The following ADAMTS10 variants were observed in gnomAD, a reference collection of about 807,000 sequenced individuals.
ADAMTS10 encodes the protein ADAM metallopeptidase with thrombospondin type 1 motif 10, also known as A disintegrin and metalloproteinase with thrombospondin motifs 10.
Under a neutral mutation model 135.9 loss-of-function variants are expected in ADAMTS10, and 48 were observed. The observed-to-expected ratio is 0.35, with a 90% CI of 0.28 to 0.45. ADAMTS10 has a LOEUF of 0.45. Among genes scored for constraint, ADAMTS10 ranks in the 20% least tolerant of loss-of-function variants. The pLI, the probability that ADAMTS10 is intolerant of heterozygous loss-of-function variation, is 1.00. For missense variants in ADAMTS10, 1,131 were observed against 1,565.2 expected, an observed-to-expected ratio of 0.72 and a Z score of 4.68; for synonymous variants, 621 against 647.5, an observed-to-expected ratio of 0.96 and a Z score of 0.62.
intron 16 of ADAMTS10, 23 bp from the exon 17 acceptor site, chr19:8,589,608 AC>A: frequency 6.2e-7 from 1 of 1,612,902 alleles, no homozygotes; most frequent in African/African-American, 1.3e-5. Flanking sequence ...GCCCCGTCAC[AC>A]CACGGGCCAG....
chr19:8,600,554 A>G (rs1423224663), intron 6 of ADAMTS10, among the ~76,000 whole-genome samples: 2 of 138,518 alleles, frequency 1.4e-5, no homozygotes, highest in Non-Finnish European at 3.0e-5. Flanking sequence ...GCTGGAGTGC[A>G]GTGGCGTGAT....
intron 12 of ADAMTS10, 41 bp downstream of exon 12, chr19:8,595,721 C>T: frequency 6.3e-7 from 1 of 1,575,832 alleles, no homozygotes; most frequent in South Asian, 1.1e-5. Flanking sequence ...CCCAGCGGCC[C>T]CCTCCCCTCC....
intron 6 of ADAMTS10, among the ~76,000 whole-genome samples, chr19:8,600,683 A>G (rs1300832524): frequency 3.3e-5 from 5 of 151,884 alleles, no homozygotes; most frequent in African/African-American, 1.2e-4. Context: ...TATTTTTAGT[A>G]GAGATGGGGT....
Position 8,605,494 on chromosome 19 carries a change from G to A in ADAMTS10, c.88+129C>T, listed in dbSNP as rs1260996111. The A allele has an allele frequency of 4.1e-6, 6 of 1,471,946 alleles. No homozygotes were observed. Among genetic ancestry groups the A allele is most frequent in the South Asian group, 1.2e-5 (1 of 81,884 alleles). The allele number at this position is 1,471,946 out of a possible 1,614,324, so 91.2% of individuals were successfully genotyped here. On this transcript the variant is annotated intron_variant, in intron 3 of 25. Coordinates refer to ENST00000597188, the MANE Select transcript of ADAMTS10 (RefSeq NM_030957.4). This position sits in a 1 kb window ranked among gnomAD's most constrained non-coding sequence, Gnocchi z 7.7. The stretch of plus-strand genomic sequence containing the variant: ...CCAGGGAGTTGGCTGCAAGGCTCCC[G>A]CCTATTGACCCCAGGGCCTTCCCCC...
chr19:8,596,455 A>G lies in ADAMTS10; in HGVS notation c.1085-43T>C. On this transcript the variant is annotated intron_variant, in intron 9 of 25. Transcript: ENST00000597188. This position sits in a 1 kb window ranked among gnomAD's most constrained non-coding sequence, Gnocchi z 7.2. Reference sequence around the variant, plus strand: ...TGGGGATGGGGCTGGGAGGCTCAGGACGGTGCTGGCTGGCCCCATCCACCT... The same window carrying G: ...TGGGGATGGGGCTGGGAGGCTCAGGGCGGTGCTGGCTGGCCCCATCCACCT... 4.3e-6 allele frequency: 7 copies of G among 1,613,256 alleles called. No homozygotes were observed. The highest frequency in any genetic ancestry group is 5.9e-6 in the Non-Finnish European group (7 of 1,179,432).
intron 25 of ADAMTS10, 128 bp from the exon 26 acceptor site, chr19:8,581,130 CTTTTTTTTTTTTT>C (rs369050914): frequency 2.5e-3 from 372 of 146,846 alleles, no homozygotes; most frequent in Middle Eastern, 0.011. Flanking sequence ...TTTAAATTTA[CTTTTTTTTTTTTT>C]TTTTTTTTTT....
chr19:8,584,990 T>C lies in ADAMTS10; in HGVS notation c.3107A>G (p.Gln1036Arg). 1.9e-6 allele frequency: 3 copies of C among 1,543,684 alleles called. No homozygotes were observed. Among genetic ancestry groups the C allele is most frequent in the Non-Finnish European group, 2.6e-6 (3 of 1,145,550 alleles). The part of the protein sequence containing the change: ...RSVRCTSHTG[Q>R]ASHECTEALR... ...GGCCTCCGTGCACTCGTGCGACGCC[T>C]GGCCCGTGTGGCTGGTGCAGCGCAC... Residue 1036 changes from glutamine (Q) to arginine (R), a missense_variant, in exon 25 of 26, where the codon CAG becomes CGG. Transcript: ENST00000597188.
intron 23 of ADAMTS10, 67 bp downstream of exon 23, chr19:8,585,389 G>C (rs2042413381): frequency 6.5e-7 from 1 of 1,535,230 alleles, no homozygotes; most frequent in South Asian, 1.2e-5. Context: ...TGGAGACCGC[G>C]CAGAGGCGTC....
At chr19:8,610,488 C>A (rs1190362061) in intron 1 of ADAMTS10, among the ~76,000 whole-genome samples, 156 bp downstream of exon 1, 1 of 151,986 alleles carries the variant, frequency 6.6e-6, no homozygotes, top group Non-Finnish European at 1.5e-5. Context: ...TGATCAGTGG[C>A]GCGCGCACTT....
At chr19:8,587,145 T>C (rs2146045326) in intron 18 of ADAMTS10, among the ~76,000 whole-genome samples, 1 of 151,732 alleles carries the variant, frequency 6.6e-6, no homozygotes, top group East Asian at 1.9e-4. Flanking sequence ...GTTAGGATTT[T>C]TCTTTCTTTC....
intron 1 of ADAMTS10, among the ~76,000 whole-genome samples, chr19:8,609,049 G>T (rs2042752239): frequency 6.6e-6 from 1 of 151,834 alleles, no homozygotes. Context: ...GGCCAAAGAT[G>T]AAGCTTGAGA....
chr19:8,583,584 C>T (rs140545337), intron 25 of ADAMTS10, among the ~76,000 whole-genome samples: 1,496 of 144,342 alleles, frequency 0.01, 28 homozygotes, highest in African/African-American at 0.037. Context: ...CAGTGGCTCA[C>T]GCCTGTAATC....
chr19:8,603,544 G>A lies in ADAMTS10; in HGVS notation c.592+184C>T, dbSNP rs112023136. Among the ~76,000 whole-genome samples, 369 of 152,310 alleles carry A rather than the reference G, an allele frequency of 2.4e-3. 2 individuals are homozygous for A. Among genetic ancestry groups the A allele is most frequent in the African/African-American group, 8.1e-3 (337 of 41,566 alleles). On this transcript the variant is annotated intron_variant, in intron 5 of 25. Transcript: ENST00000597188. ...CCACCTCGGCCTCCCAAGGTGCTGG[G>A]ATTATAGGTGTGAGCCACTGCACCC...
At chr19:8,582,297 G>A (rs376138552) in intron 25 of ADAMTS10, among the ~76,000 whole-genome samples, 53 of 150,828 alleles carry the variant, frequency 3.5e-4, no homozygotes, top group African/African-American at 1.2e-3. Flanking sequence ...GTGAAACCCC[G>A]TCTCTACTAA....
Position 8,591,307 on chromosome 19 carries a change from G to T in ADAMTS10, c.1797+493C>A, listed in dbSNP as rs548037744. 2.6e-5 allele frequency among the ~76,000 whole-genome samples: 4 copies of T among 151,702 alleles called. No homozygotes were observed. In the East Asian group the frequency reaches 7.7e-4, roughly 29 times the overall value. Reference sequence around the variant, plus strand: ...TAGGAGGAAAAGAGAGCTGGAAGGAGCCAGGTCTTTAAGGAGGAGGGGTTG... The same window carrying T: ...TAGGAGGAAAAGAGAGCTGGAAGGATCCAGGTCTTTAAGGAGGAGGGGTTG... On this transcript the variant is annotated intron_variant, in intron 15 of 25. Coordinates refer to ENST00000597188, the MANE Select transcript of ADAMTS10 (RefSeq NM_030957.4).
At chr19:8,600,875 A>G in intron 6 of ADAMTS10, 53 bp downstream of exon 6, 1 of 1,603,550 alleles carries the variant, frequency 6.2e-7, no homozygotes, top group Non-Finnish European at 8.5e-7. Flanking sequence ...CTAACACTGC[A>G]GGCTGGCTCC....
In ADAMTS10 at chr19:8,601,176, G is replaced by C. The variant is rs1228155870; in HGVS notation, c.593-31C>G. On this transcript the variant is annotated intron_variant, in intron 5 of 25. Transcript: ENST00000597188. This position sits in a 1 kb window ranked among gnomAD's most constrained non-coding sequence, Gnocchi z 4.6. Reference sequence around the variant, plus strand: ...GAACCCAGTAGAGCAATTAAGCCCTGCCCTGCTGGTGGGACGCAGAGCTGC... The same window carrying C: ...GAACCCAGTAGAGCAATTAAGCCCTCCCCTGCTGGTGGGACGCAGAGCTGC... 6.2e-7 allele frequency: 1 copy of C among 1,608,380 alleles called. No homozygotes were observed. Among genetic ancestry groups the C allele is most frequent in the Non-Finnish European group, 8.5e-7 (1 of 1,178,896 alleles).
In ADAMTS10 at chr19:8,587,333, C is replaced by CTTTTTTT. The variant is rs559435857; in HGVS notation, c.2159-444_2159-438dup. The stretch of plus-strand genomic sequence containing the variant: ...CACCACACCTGGCTAACTAAAAAAC[C>CTTTTTTT]TTTTTTTTTTTTTTTTTTTTTTTGT... On this transcript the variant is annotated intron_variant, in intron 18 of 25. Transcript: ENST00000597188. Among the ~76,000 whole-genome samples the CTTTTTTT allele has an allele frequency of 8.3e-3, 641 of 77,480 alleles. 4 individuals carry two copies. The highest frequency in any genetic ancestry group is 0.017 in the East Asian group (35 of 2,046). The allele number at this position is 77,480 out of a possible 152,430, so 50.8% of individuals were successfully genotyped here. A position where few individuals can be genotyped will look rare whatever the true frequency, so the allele number is the denominator to read the frequency against.
In ADAMTS10 at chr19:8,586,185, C is replaced by A; in HGVS notation, c.2597G>T (p.Cys866Phe). Reference sequence around the variant, plus strand: ...TTTGGGCAGCTTGCTGTGGGCACTGCAGTAGTGGGGGGCGACCGCGGAGCT... The same window carrying A: ...TTTGGGCAGCTTGCTGTGGGCACTGAAGTAGTGGGGGGCGACCGCGGAGCT... ...LDSSAVAPHY[C>F]SAHSKLPKRQ... The change falls in exon 22 of 26, where the codon TGC (cysteine) becomes TTC (phenylalanine). Residue 866 changes from cysteine (C) to phenylalanine (F), a missense_variant. Transcript: ENST00000597188. 6.2e-7 allele frequency: 1 copy of A among 1,613,006 alleles called. No homozygotes were observed.
Sources: allele counts gnomAD v4.1 joint callset (sites outside exome capture counted in the v4.1 genomes callset), GRCh38; gene constraint gnomAD v4.1.1; non-coding constraint Gnocchi (gnomAD v3.1); transcripts MANE v1.5; gene names NCBI Gene and HGNC (gene_info 2026-07-23, HGNC 2026-07-21).